Variants in GMDS observed in about 807,000 individuals in gnomAD.
GMDS encodes the protein GDP-mannose 4,6 dehydratase.
GMDS carries 20 observed loss-of-function variants against 49.9 expected under a neutral mutation model. The ratio of observed to expected loss-of-function variants is 0.40; its 90% confidence interval spans 0.28 to 0.58. The LOEUF (loss-of-function observed/expected upper bound fraction) is 0.58. Among genes scored for constraint, GMDS ranks in the 20% least tolerant of loss-of-function variants. The pLI, the probability that GMDS is intolerant of heterozygous loss-of-function variation, is 0.42. For synonymous variants in GMDS, 177 were observed against 178.6 expected, an observed-to-expected ratio of 0.99 and a Z score of 0.07; for missense variants, 362 against 481.4, an observed-to-expected ratio of 0.75 and a Z score of 2.32.
intron 7 of GMDS, among the ~76,000 whole-genome samples, chr6:1,906,480 T>C (rs1241268909): frequency 1.3e-5 from 2 of 152,264 alleles, no homozygotes; most frequent in South Asian, 2.1e-4. Context: ...TATTCTGTCA[T>C]TGCAGTCAGC....
chr6:2,086,550 T>C (rs140762626), intron 4 of GMDS, among the ~76,000 whole-genome samples: 1 of 152,200 alleles, frequency 6.6e-6, no homozygotes, highest in South Asian at 2.1e-4. Flanking sequence ...AAAGCTGCCG[T>C]TCTGCAGCTG....
chr6:2,135,835 A>C lies in GMDS; in HGVS notation c.103-11104T>G, dbSNP rs114543406. The stretch of plus-strand genomic sequence containing the variant: ...TGTTTTATGCACATGTTAATAAAAA[A>C]TTATCCAGATATTTTACATACTTTT... On this transcript the variant is annotated intron_variant, in intron 1 of 10. Coordinates refer to ENST00000380815, the MANE Select transcript of GMDS (RefSeq NM_001500.4). 5.7e-3 allele frequency among the ~76,000 whole-genome samples: 861 copies of C among 152,346 alleles called. 2 individuals are homozygous for C. Among genetic ancestry groups the C allele is most frequent in the Middle Eastern group, 0.017 (5 of 294 alleles).
rs116467806 is a variant in GMDS, at chr6:1,779,669, G to A, written c.772-37083C>T. ...TTTCCCATCCCCTCCCAAGAACAGC[G>A]TATAAGCAGCTGCACAAGCATGACT... On this transcript the variant is annotated intron_variant, in intron 7 of 10. Coordinates refer to ENST00000380815, the MANE Select transcript of GMDS (RefSeq NM_001500.4). 3.5e-3 allele frequency among the ~76,000 whole-genome samples: 533 copies of A among 152,230 alleles called. 5 individuals carry two copies. The highest frequency in any genetic ancestry group is 0.012 in the African/African-American group (481 of 41,536).
intron 1 of GMDS, among the ~76,000 whole-genome samples, chr6:2,188,764 C>A (rs930667907): frequency 2.0e-5 from 3 of 152,120 alleles, no homozygotes; most frequent in Non-Finnish European, 2.9e-5. Context: ...AAAGGAGGAA[C>A]CATGAGGCCT....
At chr6:1,789,247 A>G (rs961807600) in intron 7 of GMDS, among the ~76,000 whole-genome samples, 9 of 152,276 alleles carry the variant, frequency 5.9e-5, no homozygotes, top group African/African-American at 2.2e-4. Flanking sequence ...CAGGGTTTCT[A>G]TTGAGGTTTC....
chr6:1,681,445 G>C (rs974376954), intron 9 of GMDS, among the ~76,000 whole-genome samples: 3 of 152,166 alleles, frequency 2.0e-5, no homozygotes, highest in African/African-American at 7.2e-5. Context: ...GTCAGAATCT[G>C]AGGTTGTAAG....
chr6:1,730,954 G>C (rs1199226196), intron 8 of GMDS, among the ~76,000 whole-genome samples: 1 of 152,024 alleles, frequency 6.6e-6, no homozygotes, highest in Non-Finnish European at 1.5e-5. Flanking sequence ...GAACAAGCAG[G>C]GGGAGGAGAA....
At chr6:1,696,015 A>G (rs1030723211) in intron 9 of GMDS, among the ~76,000 whole-genome samples, 1 of 149,876 alleles carries the variant, frequency 6.7e-6, no homozygotes, top group African/African-American at 2.5e-5. Context: ...ACCAGCTTTG[A>G]CGATGAAGCT....
intron 2 of GMDS, among the ~76,000 whole-genome samples, chr6:2,124,266 T>C (rs935349834): frequency 1.3e-5 from 2 of 152,186 alleles, no homozygotes; most frequent in African/African-American, 2.4e-5. Context: ...AACCTCCAGG[T>C]ATAAATTTTT....
In GMDS at chr6:1,625,741, GAA is replaced by G. The variant is rs1762833989; in HGVS notation, c.988-1203_988-1202del. On this transcript the variant is annotated intron_variant, in intron 9 of 10. Transcript: ENST00000380815. ...GGGAGGAAAGAAAGGAGGGAAGAAAGAAAAAAGACTTTGAGATACATAATTGC... is the reference window on the plus strand; with the variant it reads ...GGGAGGAAAGAAAGGAGGGAAGAAAGAAAAGACTTTGAGATACATAATTGC... Among the ~76,000 whole-genome samples the G allele has an allele frequency of 1.3e-5, 2 of 152,062 alleles. 1 individual carries two copies. The highest frequency in any genetic ancestry group is 4.1e-4 in the South Asian group (2 of 4,834).
At chr6:2,190,842 A>C (rs781194685) in intron 1 of GMDS, among the ~76,000 whole-genome samples, 3 of 152,096 alleles carry the variant, frequency 2.0e-5, no homozygotes, top group Non-Finnish European at 4.4e-5. Flanking sequence ...CAGGAGCAGC[A>C]ATGGCAAAGG....
At chr6:1,812,486 G>A (rs1770477549) in intron 7 of GMDS, among the ~76,000 whole-genome samples, 1 of 151,842 alleles carries the variant, frequency 6.6e-6, no homozygotes, top group Admixed American at 6.6e-5. Flanking sequence ...AGGATCTGAG[G>A]GGAAAAAAAG....
intron 9 of GMDS, among the ~76,000 whole-genome samples, chr6:1,699,820 G>A (rs1765477774): frequency 6.6e-6 from 1 of 152,202 alleles, no homozygotes; most frequent in African/African-American, 2.4e-5. Context: ...CCTTGGGGGT[G>A]GGGACATTCT....
intron 6 of GMDS, among the ~76,000 whole-genome samples, chr6:1,933,680 G>A (rs1238146828): frequency 6.6e-6 from 1 of 152,184 alleles, no homozygotes; most frequent in Non-Finnish European, 1.5e-5. Context: ...TTGGAGACAT[G>A]TCTATTCAGA....
At chr6:1,969,097 T>TA (rs1190283145) in intron 4 of GMDS, among the ~76,000 whole-genome samples, 2 of 150,970 alleles carry the variant, frequency 1.3e-5, no homozygotes, top group East Asian at 3.9e-4. Flanking sequence ...CCATCTCTAC[T>TA]AAAAATACAA....
At chr6:2,128,390 T>C (rs1775567200) in intron 1 of GMDS, among the ~76,000 whole-genome samples, 1 of 151,970 alleles carries the variant, frequency 6.6e-6, no homozygotes, top group South Asian at 2.1e-4. Context: ...GGCCAGGCTG[T>C]TCTCAAACCC....
At chr6:1,671,089 T>C (rs1481906881) in intron 9 of GMDS, among the ~76,000 whole-genome samples, 15 of 152,140 alleles carry the variant, frequency 9.9e-5, no homozygotes, top group Admixed American at 9.2e-4. Context: ...CAGGCAAAGA[T>C]CTGATGGCAG....
chr6:1,669,384 T>C (rs1764342171), intron 9 of GMDS, among the ~76,000 whole-genome samples: 1 of 152,204 alleles, frequency 6.6e-6, no homozygotes, highest in South Asian at 2.1e-4. Flanking sequence ...TGGGATACAC[T>C]TCAGAATCAG....
intron 9 of GMDS, among the ~76,000 whole-genome samples, chr6:1,692,102 C>T (rs1168950175): frequency 6.6e-6 from 1 of 152,202 alleles, no homozygotes; most frequent in Admixed American, 6.5e-5. Context: ...CCATCTTCCT[C>T]CCATGCTAGA....
Sources: gnomAD v4.1 joint callset for allele counts (sites outside exome capture counted in the v4.1 genomes callset) on GRCh38, gnomAD v4.1.1 for gene constraint, MANE v1.5 for transcripts, NCBI Gene and HGNC (gene_info 2026-07-23, HGNC 2026-07-21) for gene names.